CFAP61: variants seen among roughly 807,000 people sequenced by gnomAD.
CFAP61 encodes the protein cilia- and flagella-associated protein 61.
A neutral mutation model predicts 135.6 loss-of-function variants in CFAP61; 107 were observed. The ratio of observed to expected loss-of-function variants is 0.79; its 90% CI spans 0.67 to 0.93. The LOEUF is 0.93. CFAP61 is among the 40% of genes least tolerant of loss of function. The pLI, the probability that CFAP61 is intolerant of heterozygous loss-of-function variation, is 0.00. For missense variants in CFAP61, 1,507 were observed against 1,556.2 expected (o/e 0.97, Z 0.53); for synonymous variants, 575 against 578.5 (o/e 0.99, Z 0.09).
chr20:20,098,018 AAC>A (rs1199357125), intron 7 of CFAP61, among the ~76,000 whole-genome samples: 1 of 152,140 alleles, frequency 6.6e-6, no homozygotes, highest in Non-Finnish European at 1.5e-5. Flanking sequence ...GTGGGGTACA[AAC>A]ACAAGACACC....
chr20:20,206,231 A>C (rs116513226), intron 17 of CFAP61, among the ~76,000 whole-genome samples: 6,210 of 152,320 alleles, frequency 0.041, 166 homozygotes, highest in Middle Eastern at 0.11. Flanking sequence ...CTCTCTTCCC[A>C]CAGCCATGTC....
rs779792471 is a variant in CFAP61 at position 20,251,812 on chromosome 20, G to A, written c.2328+49G>A. 1.0e-5 allele frequency: 16 copies of A among 1,586,178 alleles called. No homozygotes were observed. In the Middle Eastern group the frequency reaches 1.5e-3, roughly 145 times the overall value. ...AAGCCACGTGTCTGGAGAGCTCCAT[G>A]AAAGCCATTCATATGTTTACTGGGG... On this transcript the variant is annotated intron_variant, in intron 20 of 26. Transcript: ENST00000245957.
intron 25 of CFAP61, among the ~76,000 whole-genome samples, chr20:20,335,014 T>A (rs2058128526): frequency 1.3e-5 from 2 of 152,226 alleles, no homozygotes; most frequent in Admixed American, 6.5e-5. Flanking sequence ...CATTCTTTCA[T>A]GAGTAGAATA....
intron 13 of CFAP61, among the ~76,000 whole-genome samples, chr20:20,175,860 A>G (rs1294153337): frequency 6.6e-6 from 1 of 152,110 alleles, no homozygotes. Flanking sequence ...TGGGTACGTC[A>G]TCTGGTAGAA....
At chr20:20,079,347 G>A (rs2046274105) in intron 6 of CFAP61, among the ~76,000 whole-genome samples, 1 of 152,174 alleles carries the variant, frequency 6.6e-6, no homozygotes, top group South Asian at 2.1e-4. Context: ...ACTCCTTGAA[G>A]GGCAGAGTTT....
chr20:20,235,127 G>A (rs895468810), intron 18 of CFAP61, among the ~76,000 whole-genome samples: 2 of 152,212 alleles, frequency 1.3e-5, no homozygotes, highest in Admixed American at 6.5e-5. Flanking sequence ...CTTCCCACCC[G>A]CAGCTGCATC....
At chr20:20,314,518 T>TA (rs1285787220) in intron 25 of CFAP61, among the ~76,000 whole-genome samples, 2 of 150,530 alleles carry the variant, frequency 1.3e-5, no homozygotes, top group Non-Finnish European at 3.0e-5. Context: ...TTTGTTTTTT[T>TA]TTATTATTAT....
intron 8 of CFAP61, among the ~76,000 whole-genome samples, chr20:20,134,133 G>T (rs1188936111): frequency 1.3e-5 from 2 of 152,104 alleles, no homozygotes; most frequent in Non-Finnish European, 2.9e-5. Context: ...AAAGAGTGTG[G>T]TGGGACCAGA....
At chr20:20,123,347 A>C (rs1286794274) in intron 8 of CFAP61, among the ~76,000 whole-genome samples, 1 of 151,686 alleles carries the variant, frequency 6.6e-6, no homozygotes, top group Non-Finnish European at 1.5e-5. Context: ...TCCTTGCCTA[A>C]GCCAATGTCT....
chr20:20,232,172 C>G (rs1046555221), intron 18 of CFAP61, among the ~76,000 whole-genome samples: 7 of 152,132 alleles, frequency 4.6e-5, no homozygotes, highest in Non-Finnish European at 8.8e-5. Flanking sequence ...CAGGGGCCCC[C>G]AGGTCCTGCC....
rs555411596 is a variant in CFAP61, at chr20:20,263,028, C to T, written c.2401C>T (p.Arg801Trp). ...GGAGGTTCCCAACAGCAGTCAGCGG[C>T]GGTACACGGGGAAAGTTCCTTGCAA... ...NREVPNSSQR[R>W]YTGKVPCNHF... The change falls in exon 21 of 27, where the codon CGG becomes TGG. Residue 801 changes from arginine (R) to tryptophan (W), a missense_variant. By Grantham distance (101) the Arg-to-Trp change is moderately radical. Coordinates refer to ENST00000245957, the MANE Select transcript of CFAP61 (RefSeq NM_015585.4). 1.4e-5 allele frequency: 23 copies of T among 1,613,698 alleles called. No individual in the cohort carries two copies. The highest frequency in any genetic ancestry group is 1.6e-4 in the Middle Eastern group (1 of 6,084).
intron 20 of CFAP61, among the ~76,000 whole-genome samples, chr20:20,257,929 T>C (rs1415801667): frequency 6.6e-6 from 1 of 152,152 alleles, no homozygotes; most frequent in African/African-American, 2.4e-5. Flanking sequence ...AAAGAATCCT[T>C]TGAAACAGCA....
At chr20:20,159,469 G>T (rs370414603) in intron 10 of CFAP61, 25 bp downstream of exon 10, 79 of 1,597,166 alleles carry the variant, frequency 4.9e-5, no homozygotes, top group Non-Finnish European at 6.4e-5. Context: ...GGGCCTTTGC[G>T]TGCCTTCTAG....
chr20:20,169,750 T>C (rs912881770), intron 13 of CFAP61, among the ~76,000 whole-genome samples: 1 of 139,290 alleles, frequency 7.2e-6, no homozygotes, highest in Non-Finnish European at 1.5e-5. Context: ...AGATCCAGTA[T>C]AGTAGGAACT....
intron 6 of CFAP61, among the ~76,000 whole-genome samples, chr20:20,083,696 A>G (rs1247097384): frequency 6.6e-6 from 1 of 152,182 alleles, no homozygotes. Context: ...ATTCCAAAAG[A>G]AGGGATAGGG....
At chr20:20,271,824 G>A (rs978336944) in intron 21 of CFAP61, among the ~76,000 whole-genome samples, 15 of 152,174 alleles carry the variant, frequency 9.9e-5, no homozygotes, top group Non-Finnish European at 1.2e-4. Context: ...GTTAAATCGA[G>A]AGCAAAAGCT....
intron 23 of CFAP61, among the ~76,000 whole-genome samples, chr20:20,289,720 T>C (rs962488846): frequency 3.2e-4 from 48 of 152,272 alleles, no homozygotes; most frequent in Admixed American, 2.9e-3. Flanking sequence ...CTTGCTCTGC[T>C]TCTCACTCTG....
intron 13 of CFAP61, among the ~76,000 whole-genome samples, chr20:20,177,193 T>C (rs1356569909): frequency 6.6e-6 from 1 of 152,218 alleles, no homozygotes; most frequent in Non-Finnish European, 1.5e-5. Context: ...TAATTTCTCT[T>C]GCTTGTTTCT....
At chr20:20,307,741 G>A (rs889684759) in intron 25 of CFAP61, among the ~76,000 whole-genome samples, 2 of 152,136 alleles carry the variant, frequency 1.3e-5, no homozygotes, top group African/African-American at 4.8e-5. Flanking sequence ...TTTATTTAGA[G>A]AGAGGTCATT....
Sources: allele counts gnomAD v4.1 joint callset (sites outside exome capture counted in the v4.1 genomes callset), GRCh38; gene constraint gnomAD v4.1.1; transcripts MANE v1.5; gene names NCBI Gene and HGNC (gene_info 2026-07-23, HGNC 2026-07-21).